Variants in EFHC1 observed in about 807,000 individuals in gnomAD.
EFHC1 encodes EF-hand domain containing 1.
In EFHC1, 53 loss-of-function variants were observed where a neutral mutation model predicts 69.9. That is an observed-to-expected ratio of 0.76 (90% CI 0.61 to 0.95). The LOEUF (loss-of-function observed/expected upper bound fraction) is 0.95, where lower values mean the gene tolerates loss of function less well. Ranked by LOEUF, EFHC1 falls within the 40% of genes least tolerant of loss-of-function variation. The pLI, the probability that EFHC1 is intolerant of heterozygous loss-of-function variation, is 0.00. For synonymous variants in EFHC1, 256 were observed against 278.4 expected (o/e 0.92, Z 0.80); for missense variants, 739 against 798.7 (o/e 0.93, Z 0.90).
chr6:52,452,660 T>C (rs746720005), intron 3 of EFHC1, 28 bp from the exon 4 acceptor site: 6 of 1,612,594 alleles, frequency 3.7e-6, no homozygotes, highest in East Asian at 4.5e-5. Flanking sequence ...CCAAGAAAGA[T>C]GATCATTGTT....
At chr6:52,464,819 C>T (rs1765260370) in intron 5 of EFHC1, 76 bp from the exon 6 acceptor site, 1 of 1,299,766 alleles carries the variant, frequency 7.7e-7, no homozygotes, top group Non-Finnish European at 1.1e-6. Context: ...CTCAAGAATG[C>T]CTGGCAGTTG....
Position 52,423,939 on chromosome 6 carries a change from T to C in EFHC1, c.64-7T>C. 6.2e-7 allele frequency: 1 copy of C among 1,614,074 alleles called. No homozygotes were observed. The highest frequency in any genetic ancestry group is 8.5e-7 in the Non-Finnish European group (1 of 1,179,944). On this transcript the variant is annotated splice_polypyrimidine_tract_variant and splice_region_variant and intron_variant, in intron 1 of 10. Transcript: ENST00000371068. ...TGTTATTAATGACACATTCTTTTCT[T>C]CTTCAGAAAACAGCCTTCCACAGAA...
At chr6:52,427,349 C>T (rs1412544812) in intron 2 of EFHC1, among the ~76,000 whole-genome samples, 1 of 152,128 alleles carries the variant, frequency 6.6e-6, no homozygotes, top group Non-Finnish European at 1.5e-5. Context: ...TGTTTCAATA[C>T]ATTGGATTTA....
rs1271812539 is a variant in EFHC1, at chr6:52,496,976, T to C, written c.*4635T>C. 1 of 152,204 alleles carries C rather than the reference T, an allele frequency of 6.6e-6. No homozygotes were observed. Among genetic ancestry groups the C allele is most frequent in the Non-Finnish European group, 1.5e-5 (1 of 68,042 alleles). The allele number at this position is 152,204 out of a possible 1,614,324, so 9.4% of individuals were successfully genotyped here. A position where few individuals can be genotyped will look rare whatever the true frequency, so the allele number is the denominator to read the frequency against. On this transcript the variant is annotated 3_prime_UTR_variant, in exon 11 of 11. Transcript: ENST00000371068. ...CACCAGCAATCCCCACTATTACTAA[T>C]ACTTGGATGTCTTCTAGTCAGCACC...
In EFHC1 at chr6:52,479,097, G is replaced by T; in HGVS notation, c.1339G>T (p.Asp447Tyr). 1 of 1,614,052 alleles carries T rather than the reference G, an allele frequency of 6.2e-7. No homozygotes were observed. The highest frequency in any genetic ancestry group is 8.5e-7 in the Non-Finnish European group (1 of 1,179,982). ...RFVFSYFLAT[D>Y]MISIFEPPVR... ...TGTCTTCTCTTACTTTCTAGCTACC[G>T]ACATGATCAGTATCTTTGAGCCTCC... Residue 447 changes from aspartate to tyrosine, a missense_variant, in exon 8 of 11, where the codon GAC becomes TAC. Transcript: ENST00000371068.
chr6:52,450,233 C>G (rs1294841895), intron 3 of EFHC1, among the ~76,000 whole-genome samples: 1 of 151,984 alleles, frequency 6.6e-6, no homozygotes, highest in East Asian at 1.9e-4. Context: ...ATTATGTGGT[C>G]GATTTTAGAA....
rs988909341 is a variant in EFHC1 at position 52,490,013 on chromosome 6, G to C, written c.1641-127G>C. 6 of 862,952 alleles carry C rather than the reference G, an allele frequency of 7.0e-6. No individual in the cohort carries two copies. The African/African-American group carries it at 8.4e-5, about 12-fold the overall frequency. The allele number at this position is 862,952 out of a possible 1,614,324, so 53.5% of individuals were successfully genotyped here. ...GCCTGTGGGCAAGTGTTCAGTTATTGGTCAGCTCAGTCTCAAAGCTGTGAT... is the reference window on the plus strand; with the variant it reads ...GCCTGTGGGCAAGTGTTCAGTTATTCGTCAGCTCAGTCTCAAAGCTGTGAT... On this transcript the variant is annotated intron_variant, in intron 9 of 10. Coordinates refer to ENST00000371068, the MANE Select transcript of EFHC1 (RefSeq NM_018100.4).
intron 3 of EFHC1, among the ~76,000 whole-genome samples, chr6:52,452,328 G>T (rs1764932733): frequency 6.6e-6 from 1 of 151,986 alleles, no homozygotes; most frequent in African/African-American, 2.4e-5. Context: ...TTTGAGGCGG[G>T]GTCTTGCTGT....
At chr6:52,437,722 T>C (rs911025639) in intron 2 of EFHC1, 2 of 153,722 alleles carry the variant, frequency 1.3e-5, no homozygotes, top group African/African-American at 2.4e-5. Context: ...ACTCTCTTTC[T>C]CTTCTTCTCT....
intron 2 of EFHC1, among the ~76,000 whole-genome samples, chr6:52,429,121 A>AT (rs1261038285): frequency 2.6e-5 from 4 of 151,922 alleles, no homozygotes; most frequent in Non-Finnish European, 4.4e-5. Context: ...GATTATGAAG[A>AT]TTTTTTCCCA....
chr6:52,447,623 G>A (rs912213632), intron 3 of EFHC1, among the ~76,000 whole-genome samples: 17 of 152,308 alleles, frequency 1.1e-4, no homozygotes, highest in African/African-American at 3.6e-4. Context: ...GAGGAGCTGC[G>A]TTCCTTTGGA....
Position 52,492,323 on chromosome 6 carries a change from T to C in EFHC1, c.1905T>C (p.Val635=). ...GEGKINYYNF[V]RAFSN ...GCAAAATTAACTACTATAACTTTGT[T>C]CGTGCTTTCTCAAACTGACCTGCTG... The change falls in exon 11 of 11, where the codon GTT becomes GTC. Residue 635 remains valine (V), a synonymous_variant. Transcript: ENST00000371068. 6.2e-7 allele frequency: 1 copy of C among 1,613,998 alleles called. No homozygotes were observed. Among genetic ancestry groups the C allele is most frequent in the African/African-American group, 1.3e-5 (1 of 75,034 alleles).
At position 52,493,855 on chromosome 6, in the gene EFHC1, A is replaced by G. The variant is rs1161350394; in HGVS notation, c.*1514A>G. 1 of 454,118 alleles carries G rather than the reference A, an allele frequency of 2.2e-6. No homozygotes were observed. 28.1% of individuals were successfully genotyped at this position (454,118 alleles called of 1,614,324 possible). A position where few individuals can be genotyped will look rare whatever the true frequency, so the allele number is the denominator to read the frequency against. ...TCCCCGAAGCCACCCAAAATGTGGT[A>G]TGAATGAGGATAGAGTTACACAGAA... On this transcript the variant is annotated 3_prime_UTR_variant, in exon 11 of 11. Coordinates refer to ENST00000371068, the MANE Select transcript of EFHC1 (RefSeq NM_018100.4).
At chr6:52,437,284 C>G (rs1764555308) in intron 2 of EFHC1, among the ~76,000 whole-genome samples, 1 of 152,114 alleles carries the variant, frequency 6.6e-6, no homozygotes, top group Non-Finnish European at 1.5e-5. Flanking sequence ...CAATCTTATC[C>G]AAGATTTTTT....
chr6:52,462,108 C>T (rs1188517709), intron 5 of EFHC1, among the ~76,000 whole-genome samples: 1 of 151,118 alleles, frequency 6.6e-6, no homozygotes, highest in African/African-American at 2.4e-5. Context: ...ATATGCTTAC[C>T]CAACACCCAA....
At chr6:52,452,944 A>C in intron 4 of EFHC1, 107 bp downstream of exon 4, 1 of 1,600,274 alleles carries the variant, frequency 6.2e-7, no homozygotes, top group Non-Finnish European at 8.5e-7. Flanking sequence ...GAAACATTAC[A>C]GCTATAATTG....
rs766911106 is a variant in EFHC1, at chr6:52,494,059, C to T, written c.*1718C>T. 2.3e-6 allele frequency: 1 copy of T among 437,362 alleles called. No individual in the cohort carries two copies. The highest frequency in any genetic ancestry group is 1.6e-5 in the South Asian group (1 of 63,384). 27.1% of individuals were successfully genotyped at this position (437,362 alleles called of 1,614,324 possible). A position where few individuals can be genotyped will look rare whatever the true frequency, so the allele number is the denominator to read the frequency against. On this transcript the variant is annotated 3_prime_UTR_variant, in exon 11 of 11. Transcript: ENST00000371068. ...CCCATGTTTTGTTTTGTTTTACCCTCAGTCGCTCATAACTATTTAAAACAG... is the reference window on the plus strand; with the variant it reads ...CCCATGTTTTGTTTTGTTTTACCCTTAGTCGCTCATAACTATTTAAAACAG...
chr6:52,444,510 T>G (rs1764736521), intron 3 of EFHC1, among the ~76,000 whole-genome samples: 1 of 152,224 alleles, frequency 6.6e-6, no homozygotes, highest in Admixed American at 6.5e-5. Flanking sequence ...GACTGTTGAA[T>G]TTTGTCAAAG....
chr6:52,476,517 T>C (rs1201636535), intron 7 of EFHC1, among the ~76,000 whole-genome samples: 1 of 152,190 alleles, frequency 6.6e-6, no homozygotes, highest in Admixed American at 6.5e-5. Context: ...AAGGGAAATA[T>C]GGTAACTTTA....
Sources: gnomAD v4.1 joint callset for allele counts (sites outside exome capture counted in the v4.1 genomes callset) on GRCh38, gnomAD v4.1.1 for gene constraint, MANE v1.5 for transcripts, NCBI Gene and HGNC (gene_info 2026-07-23, HGNC 2026-07-21) for gene names.